MYO3A: variants seen among roughly 807,000 people sequenced by gnomAD.
MYO3A encodes myosin IIIA.
In MYO3A, 180 loss-of-function variants were observed where a neutral mutation model predicts 192.7. The observed-to-expected ratio is 0.93, with a 90% CI of 0.83 to 1.06. The LOEUF (loss-of-function observed/expected upper bound fraction) is 1.06. Ranked by LOEUF, MYO3A falls within the 50% of genes least tolerant of loss-of-function variation. The pLI is 0.00. For synonymous variants in MYO3A, 628 were observed against 645.3 expected, an observed-to-expected ratio of 0.97 and a Z score of 0.41; for missense variants, 1,896 against 1,905.0, an observed-to-expected ratio of 1.00 and a Z score of 0.09.
chr10:26,002,862 G>A (rs1207253117), intron 6 of MYO3A, among the ~76,000 whole-genome samples: 3 of 152,108 alleles, frequency 2.0e-5, no homozygotes, highest in East Asian at 1.9e-4. Context: ...TTTCCCCAAC[G>A]CCCTGTACTT....
At chr10:25,938,396 G>A (rs1836253651) in intron 2 of MYO3A, among the ~76,000 whole-genome samples, 1 of 152,194 alleles carries the variant, frequency 6.6e-6, no homozygotes, top group Non-Finnish European at 1.5e-5. Context: ...AGATCATTCA[G>A]GGTCTGGAGA....
chr10:26,103,663 A>G (rs1837615226), intron 17 of MYO3A, among the ~76,000 whole-genome samples: 2 of 152,198 alleles, frequency 1.3e-5, no homozygotes, highest in South Asian at 2.1e-4. Context: ...TTCATGTACA[A>G]CATTTTGTGT....
intron 17 of MYO3A, among the ~76,000 whole-genome samples, chr10:26,101,809 T>C (rs1001709856): frequency 7.2e-5 from 11 of 152,218 alleles, no homozygotes; most frequent in East Asian, 3.8e-4. Flanking sequence ...AGCCGACCTT[T>C]CTCTCTGGCT....
chr10:25,989,303 A>T (rs1385615819), intron 4 of MYO3A, among the ~76,000 whole-genome samples: 3 of 151,068 alleles, frequency 2.0e-5, no homozygotes, highest in Non-Finnish European at 4.4e-5. Context: ...AAAAGATACA[A>T]TTTCTTTTCA....
intron 17 of MYO3A, among the ~76,000 whole-genome samples, chr10:26,098,652 C>G (rs1159291389): frequency 6.6e-6 from 1 of 152,190 alleles, no homozygotes; most frequent in Non-Finnish European, 1.5e-5. Context: ...TTCCCAGCAC[C>G]ATTTATTAAA....
chr10:26,102,462 G>C (rs1466993445), intron 17 of MYO3A, among the ~76,000 whole-genome samples: 1 of 152,198 alleles, frequency 6.6e-6, no homozygotes, highest in Non-Finnish European at 1.5e-5. Context: ...CATTCCTTTG[G>C]AGGAGAAGTG....
At position 26,212,501 on chromosome 10, in the gene MYO3A, G is replaced by C. The variant is rs918987227; in HGVS notation, c.*538G>C. 6.2e-6 allele frequency: 1 copy of C among 161,982 alleles called. No homozygotes were observed. The highest frequency in any genetic ancestry group is 2.4e-5 in the African/African-American group (1 of 41,852). The allele number at this position is 161,982 out of a possible 1,614,324, so 10.0% of individuals were successfully genotyped here. Reference sequence around the variant, plus strand: ...TCTTTCTCTTCCTTTGGTTATTAAGGTCACTAAATAAAGGAAGTGCCTTGG... The same window carrying C: ...TCTTTCTCTTCCTTTGGTTATTAAGCTCACTAAATAAAGGAAGTGCCTTGG... On this transcript the variant is annotated 3_prime_UTR_variant, in exon 35 of 35. Coordinates refer to ENST00000642920, the MANE Select transcript of MYO3A (RefSeq NM_017433.5).
intron 29 of MYO3A, among the ~76,000 whole-genome samples, chr10:26,171,425 C>T (rs1279821893): frequency 3.3e-5 from 5 of 152,196 alleles, no homozygotes. Context: ...CACCGCTATT[C>T]TCTCCTGCCA....
At chr10:26,132,685 G>T (rs1311737317) in intron 20 of MYO3A, among the ~76,000 whole-genome samples, 19 of 151,318 alleles carry the variant, frequency 1.3e-4, no homozygotes, top group Non-Finnish European at 1.5e-5. Flanking sequence ...TTTTAAATGA[G>T]CTATTACTAT....
intron 26 of MYO3A, among the ~76,000 whole-genome samples, chr10:26,161,058 G>C (rs972419761): frequency 1.3e-5 from 2 of 152,130 alleles, no homozygotes; most frequent in African/African-American, 4.8e-5. Flanking sequence ...TAAAGAGAAG[G>C]GGATAAAACT....
intron 10 of MYO3A, among the ~76,000 whole-genome samples, chr10:26,058,194 C>T (rs1834233008): frequency 6.6e-6 from 1 of 152,162 alleles, no homozygotes; most frequent in African/African-American, 2.4e-5. Flanking sequence ...TTACCATCTC[C>T]ATAGTTTTGC....
At chr10:26,159,009 ATT>A (rs200816614) in intron 26 of MYO3A, among the ~76,000 whole-genome samples, 30 of 143,852 alleles carry the variant, frequency 2.1e-4, no homozygotes, top group Non-Finnish European at 2.3e-4. Context: ...ATTTCTGCTA[ATT>A]TTTTTTTTTT....
At chr10:26,136,714 A>G (rs1839865021) in intron 20 of MYO3A, among the ~76,000 whole-genome samples, 1 of 152,216 alleles carries the variant, frequency 6.6e-6, no homozygotes, top group Non-Finnish European at 1.5e-5. Context: ...GCTAAGAAAT[A>G]AAAACACACT....
intron 15 of MYO3A, among the ~76,000 whole-genome samples, chr10:26,094,929 C>T (rs1220955810): frequency 2.0e-5 from 3 of 151,992 alleles, no homozygotes; most frequent in East Asian, 1.9e-4. Context: ...TTCAAAGGCT[C>T]CTCTGTTCTA....
Position 26,172,376 on chromosome 10 carries a change from G to A in MYO3A, c.3399-1287G>A, listed in dbSNP as rs1257780840. ...AGAAGAGATCGCCAGTCCTCCCCAC[G>A]CTGGAGCTCTGAAGGGTTGATCCTC... On this transcript the variant is annotated intron_variant, in intron 29 of 34. Transcript: ENST00000642920. Among the ~76,000 whole-genome samples, 7 of 152,292 alleles carry A rather than the reference G, an allele frequency of 4.6e-5. No homozygotes were observed. In the South Asian group the frequency reaches 6.2e-4, roughly 14 times the overall value.
intron 2 of MYO3A, among the ~76,000 whole-genome samples, chr10:25,942,497 C>A (rs570976869): frequency 6.6e-6 from 1 of 152,274 alleles, no homozygotes; most frequent in East Asian, 1.9e-4. Context: ...TCTATATTTA[C>A]TTTTGTGAAG....
intron 6 of MYO3A, among the ~76,000 whole-genome samples, chr10:26,014,947 AAG>A (rs1287448474): frequency 6.6e-6 from 1 of 152,090 alleles, no homozygotes; most frequent in Non-Finnish European, 1.5e-5. Context: ...CTAAGATCCT[AAG>A]AGTTTTCTTG....
At chr10:26,179,446 T>G (rs146979799) in intron 31 of MYO3A, among the ~76,000 whole-genome samples, 148 of 152,276 alleles carry the variant, frequency 9.7e-4, no homozygotes, top group African/African-American at 3.3e-3. Flanking sequence ...TATTTCAGTG[T>G]TGGTCTCTGT....
intron 10 of MYO3A, among the ~76,000 whole-genome samples, chr10:26,031,742 C>T (rs1050894898): frequency 3.3e-5 from 5 of 152,356 alleles, no homozygotes; most frequent in Middle Eastern, 3.4e-3. Context: ...AAGTGATCCT[C>T]CTGCATCAGC....
Sources: gnomAD v4.1 joint callset for allele counts (sites outside exome capture counted in the v4.1 genomes callset) on GRCh38, gnomAD v4.1.1 for gene constraint, MANE v1.5 for transcripts, NCBI Gene and HGNC (gene_info 2026-07-23, HGNC 2026-07-21) for gene names.